DAB1: variants seen among roughly 807,000 people sequenced by gnomAD.
DAB1 encodes DAB adaptor protein 1.
A neutral mutation model predicts 64.6 loss-of-function variants in DAB1; 15 were observed. The observed-to-expected ratio is 0.23, with a 90% CI of 0.16 to 0.36. DAB1 has a LOEUF of 0.36. DAB1 is among the 10% of genes least tolerant of loss of function. The pLI, the probability that DAB1 is intolerant of heterozygous loss-of-function variation, is 1.00. For missense variants in DAB1, 596 were observed against 706.7 expected (o/e 0.84, Z 1.78); for synonymous variants, 235 against 251.9 (o/e 0.93, Z 0.64).
intron 4 of DAB1, among the ~76,000 whole-genome samples, chr1:57,074,972 G>T (rs773098237): frequency 1.6e-4 from 25 of 152,300 alleles, no homozygotes; most frequent in Admixed American, 5.9e-4. Context: ...CAACATGGGG[G>T]CATTGATTTA....
At chr1:58,119,690 G>T (rs1057382021) in intron 5 of DAB1, among the ~76,000 whole-genome samples, 2 of 152,282 alleles carry the variant, frequency 1.3e-5, no homozygotes, top group South Asian at 4.2e-4. Flanking sequence ...AATAGCCAGA[G>T]CTGCCCCAGG....
chr1:57,054,998 C>A (rs946312585), intron 9 of DAB1, among the ~76,000 whole-genome samples: 1 of 152,186 alleles, frequency 6.6e-6, no homozygotes, highest in African/African-American at 2.4e-5. Flanking sequence ...TTCTCCTTTG[C>A]TTATTCAAAT....
At chr1:57,240,756 C>T (rs145773162) in intron 2 of DAB1, among the ~76,000 whole-genome samples, 179 of 152,176 alleles carry the variant, frequency 1.2e-3, no homozygotes, top group African/African-American at 3.9e-3. Flanking sequence ...GATGCTACTA[C>T]GGAAATTAAA....
intron 7 of DAB1, among the ~76,000 whole-genome samples, chr1:57,464,815 T>C (rs575841635): frequency 6.6e-6 from 1 of 152,226 alleles, no homozygotes; most frequent in South Asian, 2.1e-4. Flanking sequence ...CTGCAGGGAA[T>C]TTCTCTTAGC....
At chr1:58,146,605 G>A (rs1654607919) in intron 5 of DAB1, among the ~76,000 whole-genome samples, 1 of 151,948 alleles carries the variant, frequency 6.6e-6, no homozygotes, top group Non-Finnish European at 1.5e-5. Flanking sequence ...TGTGATATTT[G>A]TCTGTCTCTG....
chr1:57,330,828 T>C (rs1409235769), intron 1 of DAB1, among the ~76,000 whole-genome samples: 1 of 152,132 alleles, frequency 6.6e-6, no homozygotes, highest in East Asian at 1.9e-4. Flanking sequence ...CAGCAGGCAG[T>C]ACAGTGTGAA....
intron 1 of DAB1, chr1:57,880,553 T>G (rs1002079380): frequency 3.3e-5 from 5 of 152,204 alleles, no homozygotes; most frequent in Non-Finnish European, 7.3e-5. Context: ...CCTATCGGAA[T>G]GAATGTATCC....
At chr1:57,926,689 A>G (rs1415818987) in intron 5 of DAB1, among the ~76,000 whole-genome samples, 2 of 152,202 alleles carry the variant, frequency 1.3e-5, no homozygotes, top group African/African-American at 2.4e-5. Context: ...CCACATATAC[A>G]AGTGTCAGAT....
chr1:58,044,351 C>T (rs1190472809), intron 5 of DAB1, among the ~76,000 whole-genome samples: 4 of 152,008 alleles, frequency 2.6e-5, no homozygotes, highest in Non-Finnish European at 5.9e-5. Flanking sequence ...CACCTTTTTT[C>T]CCTATTCCTC....
At chr1:57,211,410 T>A (rs1557946787) in intron 2 of DAB1, among the ~76,000 whole-genome samples, 1 of 152,148 alleles carries the variant, frequency 6.6e-6, no homozygotes, top group Non-Finnish European at 1.5e-5. Context: ...GAAAGTCTGT[T>A]CTCTTCTCAT....
At chr1:57,397,574 C>T (rs1037460004) in intron 1 of DAB1, among the ~76,000 whole-genome samples, 1 of 152,176 alleles carries the variant, frequency 6.6e-6, no homozygotes, top group African/African-American at 2.4e-5. Context: ...AGAGAGTGCA[C>T]GTCCACACAG....
chr1:58,297,747 A>G (rs1193681374), intron 4 of DAB1, among the ~76,000 whole-genome samples: 1 of 152,256 alleles, frequency 6.6e-6, no homozygotes, highest in East Asian at 1.9e-4. Context: ...TTCCTGAAAA[A>G]GTAAGATCTG....
intron 6 of DAB1, among the ~76,000 whole-genome samples, chr1:57,737,312 A>G (rs1647742123): frequency 6.6e-6 from 1 of 152,200 alleles, no homozygotes; most frequent in South Asian, 2.1e-4. Flanking sequence ...GGATCTGAAC[A>G]GGCAAGCATA....
chr1:57,499,009 C>T (rs1306586947), intron 7 of DAB1, among the ~76,000 whole-genome samples: 1 of 152,096 alleles, frequency 6.6e-6, no homozygotes, highest in Non-Finnish European at 1.5e-5. Flanking sequence ...TGGAGTCTTG[C>T]TCTGTTGCCA....
chr1:58,185,665 G>A (rs1244529804), intron 4 of DAB1, among the ~76,000 whole-genome samples: 8 of 152,092 alleles, frequency 5.3e-5, no homozygotes, highest in Non-Finnish European at 1.0e-4. Flanking sequence ...GTAGTCTCCT[G>A]GAAACTCAGA....
chr1:57,475,137 C>T lies in DAB1; in HGVS notation n.625+174455G>A, dbSNP rs539538804. ...TAGCCAAAAACAAAAATTAGCCAGG[C>T]GCAGTGGTGCCCACCTGTAATCCCA... On this transcript the variant is annotated intron_variant and non_coding_transcript_variant, in intron 7 of 20. Coordinates refer to the DAB1 transcript ENST00000485760. Among the ~76,000 whole-genome samples, 31 of 152,198 alleles carry T rather than the reference C, an allele frequency of 2.0e-4. 1 individual carries two copies. In the South Asian group the frequency reaches 2.7e-3, roughly 13 times the overall value.
chr1:57,724,214 C>T (rs906545458), intron 6 of DAB1, among the ~76,000 whole-genome samples: 9 of 135,654 alleles, frequency 6.6e-5, no homozygotes, highest in Non-Finnish European at 1.4e-4. Context: ...GGAGCTGTTG[C>T]GGATCAAGAT....
chr1:57,504,707 G>A (rs1044726684), intron 7 of DAB1, among the ~76,000 whole-genome samples: 1 of 152,140 alleles, frequency 6.6e-6, no homozygotes, highest in African/African-American at 2.4e-5. Flanking sequence ...ATATGGAAAG[G>A]GGGTGAACAT....
At chr1:57,773,426 T>G (rs1649654228) in intron 6 of DAB1, among the ~76,000 whole-genome samples, 1 of 151,794 alleles carries the variant, frequency 6.6e-6, no homozygotes, top group African/African-American at 2.4e-5. Flanking sequence ...AGACAAACAC[T>G]TTGTGAATGT....
Sources: allele counts gnomAD v4.1 joint callset (sites outside exome capture counted in the v4.1 genomes callset), GRCh38; gene constraint gnomAD v4.1.1; transcripts MANE v1.5; gene names NCBI Gene and HGNC (gene_info 2026-07-23, HGNC 2026-07-21).